Variants in SSH2 observed in about 807,000 individuals in gnomAD.
The protein encoded by SSH2 is protein phosphatase Slingshot homolog 2.
A neutral mutation model predicts 135.2 loss-of-function variants in SSH2; 37 were observed. That is an observed-to-expected ratio of 0.27 (90% CI 0.21 to 0.36). The LOEUF (loss-of-function observed/expected upper bound fraction) is 0.36. Among genes scored for constraint, SSH2 ranks in the 10% least tolerant of loss-of-function variants. The pLI, the probability that SSH2 is intolerant of heterozygous loss-of-function variation, is 1.00. For synonymous variants in SSH2, 628 were observed against 646.2 expected (o/e 0.97, Z 0.43); for missense variants, 1,408 against 1,765.3 (o/e 0.80, Z 3.63).
chr17:29,870,314 T>C (rs1382697359), intron 1 of SSH2, among the ~76,000 whole-genome samples: 3 of 150,664 alleles, frequency 2.0e-5, no homozygotes, highest in Admixed American at 6.6e-5. Flanking sequence ...ATATTGTATA[T>C]AGTATGTCAC....
At chr17:29,736,784 C>G (rs1400186568) in intron 3 of SSH2, among the ~76,000 whole-genome samples, 1 of 18,382 alleles carries the variant, frequency 5.4e-5, no homozygotes, top group African/African-American at 2.6e-4. Flanking sequence ...AAGACTCTGT[C>G]TCAAAAAAAA....
At chr17:29,704,257 A>G (rs3115088) in intron 3 of SSH2, among the ~76,000 whole-genome samples, 85,100 of 152,044 alleles carry the variant, frequency 0.56, 24,219 homozygotes, top group East Asian at 0.69. Flanking sequence ...CAACAGTAAA[A>G]TGTTACCTCA....
chr17:29,918,630 G>A (rs1324368222), intron 1 of SSH2, among the ~76,000 whole-genome samples: 1 of 152,158 alleles, frequency 6.6e-6, no homozygotes, highest in Admixed American at 6.5e-5. Flanking sequence ...TGTGCCTTAA[G>A]TTCTTGCTTA....
intron 2 of SSH2, among the ~76,000 whole-genome samples, chr17:29,825,370 C>T (rs567418123): frequency 6.6e-6 from 1 of 152,194 alleles, no homozygotes; most frequent in South Asian, 2.1e-4. Flanking sequence ...AATAATTATA[C>T]AAATATTTAG....
chr17:29,718,528 A>G (rs1432730907), intron 3 of SSH2, among the ~76,000 whole-genome samples: 1 of 152,000 alleles, frequency 6.6e-6, no homozygotes, highest in Non-Finnish European at 1.5e-5. Context: ...TTAAGAGGCT[A>G]CAGTCCCGTC....
intron 5 of SSH2, among the ~76,000 whole-genome samples, chr17:29,685,060 T>C (rs922474686): frequency 1.3e-5 from 2 of 152,180 alleles, no homozygotes; most frequent in African/African-American, 2.4e-5. Context: ...AATGTGAGCA[T>C]TGGTCTCAGA....
intron 5 of SSH2, among the ~76,000 whole-genome samples, chr17:29,687,404 A>G (rs1209622301): frequency 6.6e-6 from 1 of 152,218 alleles, no homozygotes; most frequent in Admixed American, 6.5e-5. Flanking sequence ...TAAGATAGAG[A>G]GCTGTACTTT....
chr17:29,867,357 C>A (rs1341651227), intron 1 of SSH2, among the ~76,000 whole-genome samples: 1 of 152,158 alleles, frequency 6.6e-6, no homozygotes, highest in East Asian at 1.9e-4. Context: ...TATATGAGAG[C>A]TATCTGTGGT....
At chr17:29,818,797 T>C (rs2042603855) in intron 2 of SSH2, among the ~76,000 whole-genome samples, 1 of 151,676 alleles carries the variant, frequency 6.6e-6, no homozygotes, top group Admixed American at 6.6e-5. Context: ...GCTGTATGTA[T>C]AAATTAAAAG....
chr17:29,795,647 T>C (rs916579622), intron 2 of SSH2, among the ~76,000 whole-genome samples: 32 of 152,170 alleles, frequency 2.1e-4, no homozygotes, highest in African/African-American at 7.7e-4. Flanking sequence ...CTGTAATAAA[T>C]AGAAATGATT....
intron 2 of SSH2, among the ~76,000 whole-genome samples, chr17:29,812,641 A>G (rs990898742): frequency 6.6e-6 from 1 of 152,226 alleles, no homozygotes; most frequent in African/African-American, 2.4e-5. Flanking sequence ...CTGTAATCCC[A>G]GCACTTTGGG....
chr17:29,696,157 G>A (rs1351920914), intron 4 of SSH2, among the ~76,000 whole-genome samples: 1 of 140,826 alleles, frequency 7.1e-6, no homozygotes, highest in Non-Finnish European at 1.5e-5. Context: ...ATATTATAAT[G>A]AGAGTATGTA....
intron 3 of SSH2, among the ~76,000 whole-genome samples, chr17:29,760,795 T>A (rs958345902): frequency 6.6e-6 from 1 of 151,600 alleles, no homozygotes; most frequent in Non-Finnish European, 1.5e-5. Context: ...CCGCTTCCGA[T>A]TCTGTCGACT....
intron 2 of SSH2, among the ~76,000 whole-genome samples, chr17:29,821,674 C>T (rs1298798394): frequency 2.0e-5 from 3 of 148,230 alleles, no homozygotes; most frequent in Admixed American, 1.3e-4. Flanking sequence ...GAGGTGGAGT[C>T]TCGCTCTGTT....
chr17:29,693,092 T>C (rs1388531672), intron 5 of SSH2, among the ~76,000 whole-genome samples: 1 of 152,010 alleles, frequency 6.6e-6, no homozygotes, highest in East Asian at 1.9e-4. Context: ...CCCGAGTAGC[T>C]GGCATGCCAC....
chr17:29,840,830 A>C (rs145769573), intron 2 of SSH2, among the ~76,000 whole-genome samples: 95 of 152,322 alleles, frequency 6.2e-4, no homozygotes, highest in African/African-American at 2.3e-3. Flanking sequence ...TCCATGGGAT[A>C]GGTACTATTA....
intron 3 of SSH2, among the ~76,000 whole-genome samples, chr17:29,788,650 C>T (rs568406150): frequency 6.6e-6 from 1 of 151,910 alleles, no homozygotes; most frequent in South Asian, 2.1e-4. Context: ...CTCCCTCCCT[C>T]TCTCCCTCTC....
At chr17:29,808,247 G>C (rs2042381341) in intron 2 of SSH2, among the ~76,000 whole-genome samples, 1 of 152,172 alleles carries the variant, frequency 6.6e-6, no homozygotes. Context: ...TCCTGCCTCA[G>C]CCTTCTGAGT....
At chr17:29,688,308 C>T (rs2038315173) in intron 5 of SSH2, among the ~76,000 whole-genome samples, 1 of 152,016 alleles carries the variant, frequency 6.6e-6, no homozygotes, top group Admixed American at 6.6e-5. Context: ...TACGCCCGGC[C>T]AGATGTCTCT....
Sources: gnomAD v4.1 joint callset for allele counts (sites outside exome capture counted in the v4.1 genomes callset) on GRCh38, gnomAD v4.1.1 for gene constraint, MANE v1.5 for transcripts, NCBI Gene and HGNC (gene_info 2026-07-23, HGNC 2026-07-21) for gene names.